Variants in STS observed in about 807,000 individuals in gnomAD.
STS encodes steryl-sulfatase.
STS carries 7 observed loss-of-function variants against 26.8 expected under a neutral mutation model. The ratio of observed to expected loss-of-function variants is 0.26; its 90% confidence interval spans 0.15 to 0.49. The LOEUF (loss-of-function observed/expected upper bound fraction) is 0.49. Ranked by LOEUF, STS falls within the 20% of genes least tolerant of loss-of-function variation. STS has a pLI of 0.98. For synonymous variants in STS, 199 were observed against 189.4 expected, an observed-to-expected ratio of 1.05 and a Z score of -0.42; for missense variants, 434 against 465.6, an observed-to-expected ratio of 0.93 and a Z score of 0.63.
At chrX:7,181,670 C>CT (rs2147006987) in intron 1 of STS, among the ~76,000 whole-genome samples, 1 of 112,257 alleles carries the variant, frequency 8.9e-6, no homozygotes, top group South Asian at 3.7e-4. Context: ...TGTTTACTGA[C>CT]TTAGCTCTGG....
At chrX:7,245,277 A>G (rs1297125859) in intron 2 of STS, among the ~76,000 whole-genome samples, 3 of 111,904 alleles carry the variant, frequency 2.7e-5, no homozygotes, top group Non-Finnish European at 1.9e-5. Context: ...ATATTTAAAG[A>G]CGGATGCTAA....
chrX:7,290,459 C>T, intron 7 of STS, among the ~76,000 whole-genome samples: 1 of 112,278 alleles, frequency 8.9e-6, no homozygotes, highest in South Asian at 3.7e-4. Context: ...CTCATGGCAG[C>T]CTTCTGCGAA....
At chrX:7,214,056 C>G (rs184815182) in intron 2 of STS, among the ~76,000 whole-genome samples, 1 of 111,415 alleles carries the variant, frequency 9.0e-6, no homozygotes, top group East Asian at 2.8e-4. Flanking sequence ...CCACTGTACC[C>G]CAGCCTGGGC....
chrX:7,163,368 T>A (rs1166601350), intron 1 of STS, among the ~76,000 whole-genome samples: 13 of 112,574 alleles, frequency 1.2e-4, no homozygotes. Flanking sequence ...ACAGAAGAGG[T>A]GTGGAGATCA....
At chrX:7,165,742 TTC>T (rs2146992926) in intron 1 of STS, among the ~76,000 whole-genome samples, 1 of 112,414 alleles carries the variant, frequency 8.9e-6, no homozygotes, top group South Asian at 3.7e-4. Context: ...GGCCAGATCA[TTC>T]TCTGTTGTCA....
At chrX:7,235,511 G>A (rs927666068) in intron 2 of STS, among the ~76,000 whole-genome samples, 1 of 111,946 alleles carries the variant, frequency 8.9e-6, no homozygotes, top group Non-Finnish European at 1.9e-5. Context: ...ATTGGTTCAC[G>A]CCTGTAATCT....
chrX:7,304,932 TGTAAGAAC>T, intron 7 of STS, 106 bp from the exon 8 acceptor site: 2 of 902,922 alleles, frequency 2.2e-6, no homozygotes, highest in Non-Finnish European at 3.2e-6. Context: ...AACTCCAATA[TGTAAGAAC>T]GTTTACTTCC....
Position 7,276,021 on chromosome X carries a change from G to T in STS, c.877G>T (p.Asp293Tyr). 8.4e-7 allele frequency: 1 copy of T among 1,194,049 alleles called. No homozygotes were observed. Among genetic ancestry groups the T allele is most frequent in the South Asian group, 1.8e-5 (1 of 56,287 alleles). ...GCACACAGCCCTGTTCTCCAGCAAA[G>T]ACTTTGCTGGCAAAAGTCAACACGG... ...HVHTALFSSK[D>Y]FAGKSQHGVY... The change falls in exon 7 of 11, where the codon GAC (aspartate) becomes TAC (tyrosine). Residue 293 changes from aspartate to tyrosine, a missense_variant. This residue lies in a region of STS where 229 missense variants were observed against 288.3 expected (regional missense o/e 0.79). Coordinates refer to ENST00000674429, the MANE Select transcript of STS (RefSeq NM_001320752.2).
chrX:7,204,057 A>T (rs900622336), intron 2 of STS, among the ~76,000 whole-genome samples: 4 of 112,071 alleles, frequency 3.6e-5, no homozygotes, highest in Non-Finnish European at 7.5e-5. Context: ...AAGTGCTGGG[A>T]TTACAGGCAT....
intron 10 of STS, among the ~76,000 whole-genome samples, chrX:7,343,653 T>G (rs1419044755): frequency 9.0e-6 from 1 of 111,631 alleles, no homozygotes; most frequent in Non-Finnish European, 1.9e-5. Flanking sequence ...CTATTGATGC[T>G]CAGAGCTATG....
rs1171153138 is a variant in STS, at chrX:7,159,114, CT to C, written c.-134+11041del. Among the ~76,000 whole-genome samples, 10 of 107,248 alleles carry C rather than the reference CT, an allele frequency of 9.3e-5. No homozygotes were observed. In the South Asian group the frequency reaches 1.2e-3, roughly 13 times the overall value. 93.1% of individuals were successfully genotyped at this position (107,248 alleles called of 115,157 possible). On this transcript the variant is annotated intron_variant, in intron 1 of 10. Coordinates refer to ENST00000674429, the MANE Select transcript of STS (RefSeq NM_001320752.2). ...TATAGAAGCAAAGACTCAGATTAGG[CT>C]TTTTTTTTTCTTTCTCCCTTTCCTT...
intron 1 of STS, among the ~76,000 whole-genome samples, chrX:7,169,589 A>T (rs901184532): frequency 6.3e-5 from 7 of 111,901 alleles, no homozygotes; most frequent in African/African-American, 2.0e-4. Context: ...CAACTTTTTA[A>T]GGAACCACCA....
intron 8 of STS, among the ~76,000 whole-genome samples, chrX:7,317,103 G>A (rs1324330816): frequency 9.0e-6 from 1 of 111,565 alleles, no homozygotes; most frequent in African/African-American, 3.3e-5. Context: ...TCCTCGCTAC[G>A]CTTGCCTAGA....
At chrX:7,235,609 A>C (rs1269442857) in intron 2 of STS, among the ~76,000 whole-genome samples, 1 of 111,488 alleles carries the variant, frequency 9.0e-6, no homozygotes, top group Admixed American at 9.6e-5. Context: ...CATCTTTACA[A>C]AAATTTTTTA....
chrX:7,239,122 A>T (rs1308476486), intron 2 of STS, among the ~76,000 whole-genome samples: 2 of 112,073 alleles, frequency 1.8e-5, no homozygotes, highest in African/African-American at 6.5e-5. Context: ...ATAGAAACAG[A>T]TTCGCTAAAT....
chrX:7,252,916 T>C (rs766600845), intron 2 of STS, among the ~76,000 whole-genome samples: 2 of 111,437 alleles, frequency 1.8e-5, no homozygotes, highest in African/African-American at 6.5e-5. Flanking sequence ...TTTGCAAGGG[T>C]GTGGCAGGAG....
At chrX:7,152,494 T>C (rs1422600102) in intron 1 of STS, among the ~76,000 whole-genome samples, 1 of 110,969 alleles carries the variant, frequency 9.0e-6, no homozygotes, top group African/African-American at 3.3e-5. Flanking sequence ...ACTTGTGTAT[T>C]TTTTAGTGGA....
chrX:7,304,457 C>CG (rs1926120531), intron 7 of STS, among the ~76,000 whole-genome samples: 1 of 111,076 alleles, frequency 9.0e-6, no homozygotes, highest in African/African-American at 3.3e-5. Flanking sequence ...TTGTGATGGA[C>CG]GGTTTAGACT....
chrX:7,219,436 C>T, intron 2 of STS: 3 of 1,059,288 alleles, frequency 2.8e-6, no homozygotes, highest in Non-Finnish European at 3.6e-6. Flanking sequence ...GTGTCTCCGC[C>T]TCACATTATC....
Sources: gnomAD v4.1 joint callset for allele counts (sites outside exome capture counted in the v4.1 genomes callset) on GRCh38, gnomAD v4.1.1 for gene constraint, gnomAD v4.1.1 regional missense constraint, MANE v1.5 for transcripts, NCBI Gene and HGNC (gene_info 2026-07-23, HGNC 2026-07-21) for gene names.